Variants in KY observed in about 807,000 individuals in gnomAD.
KY encodes the protein kyphoscoliosis peptidase.
Under a neutral mutation model 76.1 loss-of-function variants are expected in KY, and 43 were observed. The observed-to-expected ratio is 0.57, with a 90% CI of 0.44 to 0.73. KY has a LOEUF of 0.73. KY is among the 30% of genes least tolerant of loss of function. The pLI is 0.00. For synonymous variants in KY, 277 were observed against 326.2 expected, an observed-to-expected ratio of 0.85 and a Z score of 1.63; for missense variants, 722 against 828.9, an observed-to-expected ratio of 0.87 and a Z score of 1.58.
At chr3:134,640,340 A>T (rs1367032907) in intron 3 of KY, among the ~76,000 whole-genome samples, 1 of 152,208 alleles carries the variant, frequency 6.6e-6, no homozygotes, top group East Asian at 1.9e-4. Flanking sequence ...ACATGGGTTC[A>T]ACTTCTGGGT....
At chr3:134,615,048 C>T (rs1560109501) in intron 8 of KY, 2 of 152,340 alleles carry the variant, frequency 1.3e-5, no homozygotes, top group South Asian at 4.1e-4. Context: ...TTATCTTTCA[C>T]AATTTATGTA....
intron 10 of KY, chr3:134,606,921 C>CA (rs1959282821): frequency 1.0e-6 from 1 of 985,160 alleles, no homozygotes; most frequent in Non-Finnish European, 1.2e-6. Context: ...CTGCTCATCT[C>CA]AGTTTCCCTA....
At chr3:134,610,930 C>T (rs1227699155) in intron 8 of KY, among the ~76,000 whole-genome samples, 1 of 152,172 alleles carries the variant, frequency 6.6e-6, no homozygotes, top group Non-Finnish European at 1.5e-5. Context: ...AAGCCCTACC[C>T]CCCTGCTATT....
chr3:134,615,619 T>C (rs973683127), intron 8 of KY, among the ~76,000 whole-genome samples: 4 of 152,008 alleles, frequency 2.6e-5, no homozygotes, highest in Admixed American at 6.5e-5. Context: ...TTTGCACCAG[T>C]GACATAACTC....
At position 134,619,203 on chromosome 3, in the gene KY, G is replaced by A. The variant is rs1327049165; in HGVS notation, c.655C>T (p.Arg219Trp). The change falls in exon 8 of 11, where the codon CGG becomes TGG. Residue 219 changes from arginine (R) to tryptophan (W), a missense_variant. Coordinates refer to ENST00000423778, the MANE Select transcript of KY (RefSeq NM_178554.6). ...CCATCACAGTTGGTCTTCTGGGTCC[G>A]CAGGATGTCAGTGGGTTTGAAGGCT... ...RQAFKPTDIL[R>W]TQKTNCDGYA... is the part of the protein sequence containing the mutation. 11 of 1,613,988 alleles carry A rather than the reference G, an allele frequency of 6.8e-6. No individual in the cohort carries two copies. Among genetic ancestry groups the A allele is most frequent in the Middle Eastern group, 3.3e-4 (2 of 6,058 alleles).
chr3:134,632,946 A>T (rs1436154900), intron 3 of KY, among the ~76,000 whole-genome samples: 1 of 152,062 alleles, frequency 6.6e-6, no homozygotes, highest in Non-Finnish European at 1.5e-5. Context: ...ACAGACCCTC[A>T]TATGTATTAA....
At chr3:134,648,041 GT>G (rs528251011) in intron 1 of KY, among the ~76,000 whole-genome samples, 52 of 152,338 alleles carry the variant, frequency 3.4e-4, no homozygotes, top group African/African-American at 1.3e-3. Context: ...TTGGGACCTG[GT>G]GATGCAACAG....
chr3:134,614,749 C>T (rs542622514), intron 8 of KY, among the ~76,000 whole-genome samples: 72 of 152,264 alleles, frequency 4.7e-4, no homozygotes, highest in Admixed American at 3.9e-4. Flanking sequence ...CTGAGATGGT[C>T]CAGGCCCTGC....
chr3:134,647,524 T>C, intron 1 of KY, 27 bp from the exon 2 acceptor site: 1 of 1,481,840 alleles, frequency 6.7e-7, no homozygotes, highest in Non-Finnish European at 9.4e-7. Flanking sequence ...TTCTCTGAGG[T>C]GGGAGACTCA....
chr3:134,640,094 T>C (rs1965544413), intron 3 of KY, among the ~76,000 whole-genome samples: 1 of 151,798 alleles, frequency 6.6e-6, no homozygotes, highest in African/African-American at 2.4e-5. Flanking sequence ...AAGATTCCAA[T>C]GTTCCTTTGC....
chr3:134,607,844 C>T lies in KY; in HGVS notation c.1090+805G>A, dbSNP rs554011383. 207 of 988,152 alleles carry T rather than the reference C, an allele frequency of 2.1e-4. 1 individual carries two copies. Among genetic ancestry groups the T allele is most frequent in the Non-Finnish European group, 8.7e-5 (72 of 831,762 alleles). 61.2% of individuals were successfully genotyped at this position (988,152 alleles called of 1,614,324 possible). A position where few individuals can be genotyped will look rare whatever the true frequency, so the allele number is the denominator to read the frequency against. On this transcript the variant is annotated intron_variant, in intron 10 of 10. Transcript: ENST00000423778. ...TGGGCTGGAAACGGCTGGGTCCCGC[C>T]TCCAGAAGGGAGGGGTACTGAGCCA...
chr3:134,623,850 C>T (rs1469474123), intron 6 of KY, among the ~76,000 whole-genome samples: 1 of 152,212 alleles, frequency 6.6e-6, no homozygotes, highest in African/African-American at 2.4e-5. Flanking sequence ...TTCCAGAACT[C>T]TGACCCTTCC....
chr3:134,639,132 T>TA (rs891657032), intron 3 of KY, among the ~76,000 whole-genome samples: 67 of 149,832 alleles, frequency 4.5e-4, no homozygotes, highest in African/African-American at 1.2e-3. Context: ...ATTGGTAGTT[T>TA]AAAAAAAAAT....
In KY at chr3:134,650,816, G is replaced by A; in HGVS notation, c.136+9C>T. 6.4e-7 allele frequency: 1 copy of A among 1,569,182 alleles called. No individual in the cohort carries two copies. Among genetic ancestry groups the A allele is most frequent in the Non-Finnish European group, 8.7e-7 (1 of 1,156,050 alleles). Reference sequence around the variant, plus strand: ...GGGGACCCGGGGACCCGGGTCGGGCGCGCGTTACCTCCTCCGCGCTGCAGC... The same window carrying A: ...GGGGACCCGGGGACCCGGGTCGGGCACGCGTTACCTCCTCCGCGCTGCAGC... On this transcript the variant is annotated intron_variant, in intron 1 of 10. Transcript: ENST00000423778.
intron 5 of KY, among the ~76,000 whole-genome samples, chr3:134,627,320 G>A (rs1216206934): frequency 2.0e-5 from 3 of 152,164 alleles, no homozygotes; most frequent in African/African-American, 7.2e-5. Context: ...GGGAAACTGA[G>A]GCACAGGGAA....
chr3:134,610,443 TC>T, intron 8 of KY, 60 bp from the exon 9 acceptor site: 2 of 1,461,866 alleles, frequency 1.4e-6, no homozygotes, highest in Non-Finnish European at 1.9e-6. Flanking sequence ...TCCAAGTCTG[TC>T]CATGGTCTCA....
chr3:134,640,138 G>A (rs1965552594), intron 3 of KY, among the ~76,000 whole-genome samples: 2 of 151,858 alleles, frequency 1.3e-5, no homozygotes, highest in Admixed American at 1.3e-4. Flanking sequence ...TTGAAAGAGA[G>A]GCTGAGGAGG....
At chr3:134,645,519 G>A (rs937182516) in intron 2 of KY, among the ~76,000 whole-genome samples, 41 of 152,196 alleles carry the variant, frequency 2.7e-4, no homozygotes, top group African/African-American at 9.7e-4. Flanking sequence ...TATGAGAAAA[G>A]GTCAGCTTCA....
chr3:134,601,540 C>T lies in KY; in HGVS notation c.*2039G>A, dbSNP rs140412989. Reference sequence around the variant, plus strand: ...ATAAAATCAGAAGTGTGCAAGACGGCTGTTTTCAGGGTGTAAAACTCCCTT... The same window carrying T: ...ATAAAATCAGAAGTGTGCAAGACGGTTGTTTTCAGGGTGTAAAACTCCCTT... On this transcript the variant is annotated 3_prime_UTR_variant, in exon 11 of 11. Coordinates refer to ENST00000423778, the MANE Select transcript of KY (RefSeq NM_178554.6). Among the ~76,000 whole-genome samples, 1,630 of 152,366 alleles carry T rather than the reference C, an allele frequency of 0.011. 36 individuals carry two copies. Among genetic ancestry groups the T allele is most frequent in the Admixed American group, 0.057 (876 of 15,312 alleles).
Sources: gnomAD v4.1 joint callset for allele counts (sites outside exome capture counted in the v4.1 genomes callset) on GRCh38, gnomAD v4.1.1 for gene constraint, MANE v1.5 for transcripts, NCBI Gene and HGNC (gene_info 2026-07-23, HGNC 2026-07-21) for gene names.